NOSIP: variants seen among roughly 807,000 people sequenced by gnomAD.
The protein encoded by NOSIP is nitric oxide synthase-interacting protein.
NOSIP carries 25 observed loss-of-function variants against 36.4 expected under a neutral mutation model. The observed-to-expected ratio is 0.69, with a 90% CI of 0.50 to 0.96. NOSIP has a LOEUF of 0.96. Among genes scored for constraint, NOSIP ranks in the 40% least tolerant of loss-of-function variants. The probability of loss-of-function intolerance (pLI) is 0.00; values close to 1 mark genes in which losing one functional copy is unlikely to be tolerated. For missense variants in NOSIP, 370 were observed against 429.0 expected (o/e 0.86, Z 1.21); for synonymous variants, 187 against 179.2 (o/e 1.04, Z -0.35).
intron 1 of NOSIP, among the ~76,000 whole-genome samples, chr19:49,570,391 T>C (rs2122157437): frequency 6.6e-6 from 1 of 152,208 alleles, no homozygotes; most frequent in Admixed American, 6.5e-5. Flanking sequence ...TGGCGTCTTC[T>C]CAGAAGCCAC....
chr19:49,558,823 T>C, intron 4 of NOSIP, 74 bp downstream of exon 4: 1 of 1,194,736 alleles, frequency 8.4e-7, no homozygotes, highest in East Asian at 2.3e-5. Flanking sequence ...CAGAGGGCTC[T>C]GAGTGGCTCT....
rs757681576 is a variant in NOSIP, at chr19:49,555,682, C to A, written c.*69G>T. ...CCTCGCCTGCCCTGTCCCCGGGGCG[C>A]CCACGCCGCGAATGAAGGCGCCACG... is the stretch of plus-strand genomic sequence containing the variant. On this transcript the variant is annotated 3_prime_UTR_variant, in exon 9 of 9. Coordinates refer to ENST00000596358, the MANE Select transcript of NOSIP (RefSeq NM_001270960.2). The A allele has an allele frequency of 7.3e-6, 10 of 1,373,660 alleles. No homozygotes were observed. The highest frequency in any genetic ancestry group is 9.3e-6 in the Non-Finnish European group (9 of 966,462). 85.1% of individuals were successfully genotyped at this position (1,373,660 alleles called of 1,614,324 possible). A position where few individuals can be genotyped will look rare whatever the true frequency, so the allele number is the denominator to read the frequency against.
At chr19:49,559,293 ATAT>A (rs1568724231) in intron 3 of NOSIP, 1 of 270,566 alleles carries the variant, frequency 3.7e-6, no homozygotes, top group East Asian at 7.5e-5. Flanking sequence ...TGTGTGCCAC[ATAT>A]TGTTGCAGCC....
intron 1 of NOSIP, among the ~76,000 whole-genome samples, chr19:49,568,294 T>C (rs1599758824): frequency 6.6e-6 from 1 of 152,076 alleles, no homozygotes; most frequent in East Asian, 1.9e-4. Flanking sequence ...GCCTTGTGAA[T>C]TACTGTGATG....
intron 1 of NOSIP, among the ~76,000 whole-genome samples, chr19:49,565,205 C>T (rs2080389991): frequency 6.6e-6 from 1 of 151,356 alleles, no homozygotes; most frequent in African/African-American, 2.4e-5. Flanking sequence ...CCAGGGAGGT[C>T]AAGGCTGCAG....
intron 1 of NOSIP, among the ~76,000 whole-genome samples, chr19:49,561,839 T>C (rs886337323): frequency 1.1e-4 from 17 of 149,306 alleles, no homozygotes; most frequent in Non-Finnish European, 2.1e-4. Context: ...GCCGACATCA[T>C]GCCACTGCAC....
At chr19:49,568,415 C>A (rs961987178) in intron 1 of NOSIP, among the ~76,000 whole-genome samples, 1 of 152,002 alleles carries the variant, frequency 6.6e-6, no homozygotes, top group African/African-American at 2.4e-5. Context: ...TTTGAAGTGC[C>A]GTGTATGTGT....
At chr19:49,570,502 G>A (rs970856350) in intron 1 of NOSIP, among the ~76,000 whole-genome samples, 2 of 152,088 alleles carry the variant, frequency 1.3e-5, no homozygotes, top group Non-Finnish European at 2.9e-5. Context: ...CGACCCTATG[G>A]AGATACAGAA....
chr19:49,575,779 CAT>C (rs1327796049), intron 1 of NOSIP, among the ~76,000 whole-genome samples: 1 of 152,168 alleles, frequency 6.6e-6, no homozygotes, highest in Non-Finnish European at 1.5e-5. Flanking sequence ...CACGGAATCA[CAT>C]ATAATTGTCA....
intron 1 of NOSIP, among the ~76,000 whole-genome samples, chr19:49,564,892 G>A (rs1003087134): frequency 5.3e-5 from 8 of 152,062 alleles, no homozygotes; most frequent in Admixed American, 4.6e-4. Flanking sequence ...CAGACACCAC[G>A]CAGGCGAGAC....
chr19:49,560,137 T>TGGG lies in NOSIP; in HGVS notation c.71-101_71-99dup. On this transcript the variant is annotated intron_variant, in intron 2 of 8. Coordinates refer to ENST00000596358, the MANE Select transcript of NOSIP (RefSeq NM_001270960.2). This position sits in a 1 kb window ranked among gnomAD's most constrained non-coding sequence, Gnocchi z 4.6. ...GAGAGGCACAGAGACAACGCGGTGG[T>TGGG]GGGGGTGGGGGACTCAGAGAGAAAC... 1.5e-6 allele frequency: 1 copy of TGGG among 670,952 alleles called. No homozygotes were observed. The highest frequency in any genetic ancestry group is 2.5e-6 in the Non-Finnish European group (1 of 397,088). 41.6% of individuals were successfully genotyped at this position (670,952 alleles called of 1,614,324 possible).
chr19:49,575,762 ACT>A (rs1260290045), intron 1 of NOSIP, among the ~76,000 whole-genome samples: 1 of 152,144 alleles, frequency 6.6e-6, no homozygotes, highest in Non-Finnish European at 1.5e-5. Context: ...TTACTTTTAG[ACT>A]CTGACACGGA....
chr19:49,556,390 A>C lies in NOSIP; in HGVS notation c.761T>G (p.Leu254Arg). ...AGGGTCCACCATGTCCTTCCGAATC[A>C]GCTTCTCCACGCATTCGAGGGTGAC... The part of the protein sequence containing the change: ...AVVTLECVEK[L>R]IRKDMVDPVT... The change falls in exon 8 of 9, where the codon CTG (leucine) becomes CGG (arginine). Residue 254 changes from leucine to arginine, a missense_variant. Leu to Arg is a moderately radical substitution (Grantham distance 102, BLOSUM62 -2). Coordinates refer to ENST00000596358, the MANE Select transcript of NOSIP (RefSeq NM_001270960.2). 1 of 1,613,792 alleles carries C rather than the reference A, an allele frequency of 6.2e-7. No individual in the cohort carries two copies.
Position 49,555,767 on chromosome 19 carries a change from G to A in NOSIP, c.890C>T (p.Pro297Leu), listed in dbSNP as rs1343613784. The part of the protein sequence containing the change: ...GVKLQAEKSR[P>L]VMQA ...CGCACACACTCAGGCCTGCATCACC[G>A]GCCGTGATTTCTCCGCTTGCAGCTT... The change falls in exon 9 of 9, where the codon CCG becomes CTG. Residue 297 changes from proline to leucine, a missense_variant. Transcript: ENST00000596358. The A allele has an allele frequency of 1.2e-6, 2 of 1,613,562 alleles. No individual in the cohort carries two copies. The highest frequency in any genetic ancestry group is 1.7e-6 in the Non-Finnish European group (2 of 1,179,802).
Position 49,555,767 on chromosome 19 carries a change from G to T in NOSIP, c.890C>A (p.Pro297Gln), listed in dbSNP as rs1343613784. 6.2e-7 allele frequency: 1 copy of T among 1,613,562 alleles called. No individual in the cohort carries two copies. Among genetic ancestry groups the T allele is most frequent in the Admixed American group, 1.7e-5 (1 of 59,994 alleles). Residue 297 changes from proline to glutamine, a missense_variant, in exon 9 of 9, where the codon CCG (proline) becomes CAG (glutamine). This residue lies in a region of NOSIP where 18 missense variants were observed against 36.9 expected (regional missense o/e 0.49). Transcript: ENST00000596358. ...GVKLQAEKSR[P>Q]VMQA ...CGCACACACTCAGGCCTGCATCACCGGCCGTGATTTCTCCGCTTGCAGCTT... is the reference window on the plus strand; with the variant it reads ...CGCACACACTCAGGCCTGCATCACCTGCCGTGATTTCTCCGCTTGCAGCTT...
At chr19:49,577,579 A>C (rs1003519782) in intron 1 of NOSIP, among the ~76,000 whole-genome samples, 20 of 151,524 alleles carry the variant, frequency 1.3e-4, no homozygotes, top group Non-Finnish European at 2.9e-5. Flanking sequence ...ATCTTGGGTA[A>C]AGGAATATTA....
intron 1 of NOSIP, among the ~76,000 whole-genome samples, chr19:49,567,669 TTTTTA>T (rs1020162723): frequency 4.6e-5 from 7 of 151,974 alleles, no homozygotes; most frequent in African/African-American, 1.7e-4. Context: ...ATCATTTTCA[TTTTTA>T]TTTTATTTAT....
intron 1 of NOSIP, among the ~76,000 whole-genome samples, chr19:49,573,242 T>C (rs1252581902): frequency 6.6e-6 from 1 of 152,172 alleles, no homozygotes; most frequent in Non-Finnish European, 1.5e-5. Context: ...GGCACTGTGC[T>C]GAACTCTGGG....
At position 49,555,953 on chromosome 19, in the gene NOSIP, A is replaced by T. The variant is rs374288879; in HGVS notation, c.835-131T>A. On this transcript the variant is annotated intron_variant, in intron 8 of 8. Coordinates refer to ENST00000596358, the MANE Select transcript of NOSIP (RefSeq NM_001270960.2). ...GCTGGCTAAGGAGTAGGAGTTGGGG[A>T]GGGGGCGAGGCGACCGCAGTGGGTA... is the stretch of plus-strand genomic sequence containing the variant. The T allele has an allele frequency of 1.1e-5, 7 of 652,574 alleles. No individual in the cohort carries two copies. In the Admixed American group the frequency reaches 1.7e-4, roughly 16 times the overall value. 40.4% of individuals were successfully genotyped at this position (652,574 alleles called of 1,614,324 possible).
Sources: gnomAD v4.1 joint callset for allele counts (sites outside exome capture counted in the v4.1 genomes callset) on GRCh38, gnomAD v4.1.1 for gene constraint, gnomAD v4.1.1 regional missense constraint, Gnocchi (gnomAD v3.1) non-coding constraint, MANE v1.5 for transcripts, NCBI Gene and HGNC (gene_info 2026-07-23, HGNC 2026-07-21) for gene names.